Variants in PTK2 observed in about 807,000 individuals in gnomAD.
PTK2 encodes the protein protein tyrosine kinase 2.
A neutral mutation model predicts 150.1 loss-of-function variants in PTK2; 45 were observed. That is an observed-to-expected ratio of 0.30 (90% CI 0.24 to 0.38). PTK2 has a LOEUF of 0.38. Ranked by LOEUF, PTK2 falls within the 10% of genes least tolerant of loss-of-function variation. PTK2 has a pLI of 1.00. For missense variants in PTK2, 919 were observed against 1,307.3 expected, an observed-to-expected ratio of 0.70 and a Z score of 4.58; for synonymous variants, 432 against 449.2, an observed-to-expected ratio of 0.96 and a Z score of 0.48.
intron 13 of PTK2, among the ~76,000 whole-genome samples, chr8:140,791,057 T>C (rs1018342938): frequency 1.3e-5 from 2 of 152,190 alleles, no homozygotes; most frequent in African/African-American, 4.8e-5. Context: ...TTGTGGAAAT[T>C]CCACTCTTGT....
chr8:140,968,331 A>C (rs1172310655), intron 1 of PTK2, among the ~76,000 whole-genome samples: 1 of 152,240 alleles, frequency 6.6e-6, no homozygotes, highest in Non-Finnish European at 1.5e-5. Flanking sequence ...CCCACAGTAG[A>C]AATAACTACA....
chr8:140,685,420 T>C (rs1382347788), intron 27 of PTK2, among the ~76,000 whole-genome samples: 1 of 152,132 alleles, frequency 6.6e-6, no homozygotes, highest in Non-Finnish European at 1.5e-5. Flanking sequence ...AGAGCTTCTT[T>C]ACAGCAAAAG....
chr8:140,829,378 T>C (rs151081586), intron 8 of PTK2, among the ~76,000 whole-genome samples: 1 of 152,344 alleles, frequency 6.6e-6, no homozygotes, highest in Non-Finnish European at 1.5e-5. Flanking sequence ...GATATCTGAA[T>C]ACAGAGCTTT....
At chr8:141,000,083 C>A in intron 1 of PTK2, among the ~76,000 whole-genome samples, 1 of 63,190 alleles carries the variant, frequency 1.6e-5, no homozygotes, top group East Asian at 6.1e-4. Flanking sequence ...TAAATGAAAC[C>A]AATTCACACA....
At chr8:140,888,447 T>G (rs1270812816) in intron 3 of PTK2, among the ~76,000 whole-genome samples, 1 of 152,242 alleles carries the variant, frequency 6.6e-6, no homozygotes, top group Non-Finnish European at 1.5e-5. Context: ...TGCCTCAATC[T>G]GAAAATCACT....
chr8:140,684,909 G>A (rs1331926427), intron 27 of PTK2, among the ~76,000 whole-genome samples: 1 of 151,988 alleles, frequency 6.6e-6, no homozygotes, highest in Non-Finnish European at 1.5e-5. Context: ...AATTCATATG[G>A]AACCAAAAAA....
At chr8:140,823,534 C>A (rs2100110114) in intron 8 of PTK2, among the ~76,000 whole-genome samples, 1 of 152,170 alleles carries the variant, frequency 6.6e-6, no homozygotes, top group Non-Finnish European at 1.5e-5. Flanking sequence ...CAGTTTCTCA[C>A]AGACATCTAA....
intron 1 of PTK2, among the ~76,000 whole-genome samples, chr8:140,981,624 G>T (rs1007474159): frequency 3.9e-5 from 6 of 152,222 alleles, no homozygotes; most frequent in Non-Finnish European, 2.9e-5. Context: ...TATGGTTAAA[G>T]AAACTAAAAC....
intron 14 of PTK2, among the ~76,000 whole-genome samples, chr8:140,774,788 C>T (rs1458099029): frequency 6.6e-6 from 1 of 152,188 alleles, no homozygotes; most frequent in Non-Finnish European, 1.5e-5. Flanking sequence ...TTACTATATG[C>T]TAATTATAAT....
intron 27 of PTK2, among the ~76,000 whole-genome samples, chr8:140,683,559 T>A (rs368019662): frequency 6.6e-6 from 1 of 152,148 alleles, no homozygotes; most frequent in African/African-American, 2.4e-5. Flanking sequence ...AAAGAAAACT[T>A]CAGGCCAATA....
intron 1 of PTK2, among the ~76,000 whole-genome samples, chr8:140,990,247 T>A (rs571303406): frequency 7.0e-6 from 1 of 142,678 alleles, no homozygotes; most frequent in African/African-American, 2.5e-5. Context: ...TTTTTTTTTT[T>A]ATTTTGAGAC....
At chr8:140,824,870 C>T (rs1254369403) in intron 8 of PTK2, among the ~76,000 whole-genome samples, 1 of 152,142 alleles carries the variant, frequency 6.6e-6, no homozygotes, top group East Asian at 1.9e-4. Flanking sequence ...TATTTTAAAC[C>T]AATTTACATA....
intron 12 of PTK2, 133 bp from the exon 13 acceptor site, chr8:140,793,517 C>G: frequency 3.5e-6 from 3 of 850,048 alleles, no homozygotes; most frequent in Non-Finnish European, 5.4e-6. Flanking sequence ...AGTTGCTACA[C>G]TGTCTACCTT....
intron 2 of PTK2, among the ~76,000 whole-genome samples, chr8:140,907,522 T>C (rs928740752): frequency 2.0e-5 from 3 of 152,150 alleles, no homozygotes; most frequent in Admixed American, 6.6e-5. Context: ...CCAGCAATCA[T>C]AGAAATTGAT....
intron 1 of PTK2, among the ~76,000 whole-genome samples, chr8:140,969,641 CTCT>C (rs1349455081): frequency 1.3e-5 from 2 of 151,532 alleles, no homozygotes; most frequent in Non-Finnish European, 2.9e-5. Context: ...GCTGTTCTTC[CTCT>C]TCTTGCAAAC....
chr8:140,888,575 C>T (rs527270240), intron 3 of PTK2, among the ~76,000 whole-genome samples: 2 of 152,322 alleles, frequency 1.3e-5, no homozygotes, highest in South Asian at 2.1e-4. Context: ...ACATTTGTAT[C>T]TGATGTAAAT....
At chr8:140,791,144 C>A (rs570335435) in intron 13 of PTK2, among the ~76,000 whole-genome samples, 1 of 152,280 alleles carries the variant, frequency 6.6e-6, no homozygotes. Context: ...CACTTTCATA[C>A]CTATGTTCAT....
chr8:140,693,564 TAAAAAAAAAAAAAAAAAAA>T (rs377205785), intron 26 of PTK2, among the ~76,000 whole-genome samples: 1,650 of 72,448 alleles, frequency 0.023, 57 homozygotes, highest in African/African-American at 0.064. Context: ...TTGTCTCAAT[TAAAAAAAAAAAAAAAAAAA>T]AAAAAAAAAA....
chr8:140,764,438 C>A, intron 14 of PTK2, 148 bp from the exon 17 acceptor site: 1 of 627,066 alleles, frequency 1.6e-6, no homozygotes, highest in Non-Finnish European at 2.8e-6. Context: ...TTTGCTCACA[C>A]ATGAGTCATT....
Sources: allele counts gnomAD v4.1 joint callset (sites outside exome capture counted in the v4.1 genomes callset), GRCh38; gene constraint gnomAD v4.1.1; transcripts MANE v1.5; gene names NCBI Gene and HGNC (gene_info 2026-07-23, HGNC 2026-07-21).